TENM3: variants seen among roughly 807,000 people sequenced by gnomAD.
TENM3 encodes teneurin-3.
In TENM3, 63 loss-of-function variants were observed where a neutral mutation model predicts 255.1. That is an observed-to-expected ratio of 0.25 (90% confidence interval 0.20 to 0.30). The LOEUF is 0.30. TENM3 is among the 10% of genes least tolerant of loss of function. The probability of loss-of-function intolerance (pLI) is 1.00; values close to 1 mark genes in which losing one functional copy is unlikely to be tolerated. For missense variants in TENM3, 2,929 were observed against 3,461.1 expected, an observed-to-expected ratio of 0.85 and a Z score of 3.86; for synonymous variants, 1,306 against 1,322.3, an observed-to-expected ratio of 0.99 and a Z score of 0.27.
chr4:181,847,224 T>C, the TENM3 span, among the ~76,000 whole-genome samples: 2,021 of 152,334 alleles, frequency 0.013, 38 homozygotes, highest in African/African-American at 0.045. Context: ...AATTAGTAAT[T>C]TCACAGCTTT....
At chr4:182,245,299 G>A (rs1757567599) in intron 1 of TENM3, among the ~76,000 whole-genome samples, 1 of 152,190 alleles carries the variant, frequency 6.6e-6, no homozygotes, top group Admixed American at 6.5e-5. Flanking sequence ...TCTGTCTCAT[G>A]TGATGTAGCA....
chr4:182,731,765 A>T (rs1169390610), intron 16 of TENM3, among the ~76,000 whole-genome samples: 1 of 149,128 alleles, frequency 6.7e-6, no homozygotes, highest in African/African-American at 2.5e-5. Context: ...TTATAGTAGG[A>T]TATCTAGTTA....
At chr4:181,633,924 A>T in the TENM3 span, among the ~76,000 whole-genome samples, 2 of 152,134 alleles carry the variant, frequency 1.3e-5, no homozygotes, top group Admixed American at 1.3e-4. Context: ...TTTTTATTTA[A>T]GGTCATGCTG....
At position 182,601,154 on chromosome 4, in the gene TENM3, G is replaced by C; in HGVS notation, c.742G>C (p.Glu248Gln). ...SWVLGSNVPL[E>Q]SRHFLFKTGT... ...GGTCCTTGGCAGTAATGTACCACTG[G>C]AAAGCAGGTAACATCTAAAATTTCA... The change falls in exon 4 of 28, where the codon GAA becomes CAA. Residue 248 changes from glutamate (E) to glutamine (Q), a missense_variant. Around this residue, in one of 6 missense-constraint regions of TENM3, gnomAD observed 1,608 missense variants for 1,884.4 expected, o/e 0.85. Coordinates refer to ENST00000511685, the MANE Select transcript of TENM3 (RefSeq NM_001080477.4). The C allele has an allele frequency of 6.2e-7, 1 of 1,613,228 alleles. No homozygotes were observed.
the TENM3 span, among the ~76,000 whole-genome samples, chr4:181,569,300 T>G: frequency 6.6e-6 from 1 of 152,208 alleles, no homozygotes; most frequent in African/African-American, 2.4e-5. Context: ...TTCTCGTTGA[T>G]TTCAAGTGGA....
rs567861095 is a variant in TENM3, at chr4:182,730,530, A to G, written c.2705+211A>G. ...TTGATTTTATTTTCTAAGGCATGGTAATACTGTAGTTTTGTAGGAGAATGC... is the reference window on the plus strand; with the variant it reads ...TTGATTTTATTTTCTAAGGCATGGTGATACTGTAGTTTTGTAGGAGAATGC... On this transcript the variant is annotated intron_variant, in intron 15 of 27. Transcript: ENST00000511685. Among the ~76,000 whole-genome samples the G allele has an allele frequency of 3.9e-5, 6 of 152,320 alleles. No homozygotes were observed. In the South Asian group the frequency reaches 1.2e-3, roughly 32 times the overall value.
At chr4:182,632,971 A>G (rs529380066) in intron 5 of TENM3, among the ~76,000 whole-genome samples, 1 of 152,120 alleles carries the variant, frequency 6.6e-6, no homozygotes, top group African/African-American at 2.4e-5. Context: ...ACTCTGTCTC[A>G]CAGGCTGGAG....
At chr4:181,959,910 G>A in the TENM3 span, among the ~76,000 whole-genome samples, 10 of 152,158 alleles carry the variant, frequency 6.6e-5, 1 homozygote, top group African/African-American at 2.4e-4. Context: ...GGGTAGAGAG[G>A]CAGAAGCAAC....
intron 3 of TENM3, among the ~76,000 whole-genome samples, chr4:182,475,001 A>T (rs1271291101): frequency 6.6e-6 from 1 of 152,168 alleles, no homozygotes; most frequent in African/African-American, 2.4e-5. Context: ...AAAAGAGTTG[A>T]TGTTAGTCAT....
chr4:182,679,070 G>C (rs1023104026), intron 7 of TENM3, among the ~76,000 whole-genome samples: 4 of 152,258 alleles, frequency 2.6e-5, no homozygotes, highest in Middle Eastern at 3.4e-3. Context: ...GGTGTCAGGG[G>C]CTAGGGGAGG....
At chr4:181,827,025 G>T in the TENM3 span, among the ~76,000 whole-genome samples, 1 of 152,148 alleles carries the variant, frequency 6.6e-6, no homozygotes, top group African/African-American at 2.4e-5. Flanking sequence ...TCATTTCCTA[G>T]CTGGGTGACA....
At chr4:181,551,753 A>G in the TENM3 span, among the ~76,000 whole-genome samples, 1 of 151,630 alleles carries the variant, frequency 6.6e-6, no homozygotes, top group Non-Finnish European at 1.5e-5. Flanking sequence ...TCTTTGAACC[A>G]GAATTGCTGA....
At chr4:181,659,882 A>G in the TENM3 span, among the ~76,000 whole-genome samples, 1 of 152,214 alleles carries the variant, frequency 6.6e-6, no homozygotes, top group Admixed American at 6.5e-5. Context: ...TGCTTCTTCT[A>G]CAGAAAGACG....
At chr4:182,335,535 A>G (rs969007283) in intron 2 of TENM3, among the ~76,000 whole-genome samples, 1 of 143,092 alleles carries the variant, frequency 7.0e-6, no homozygotes, top group African/African-American at 2.6e-5. Flanking sequence ...AGCATTTGCC[A>G]TTTTTGCTTT....
intron 1 of TENM3, among the ~76,000 whole-genome samples, chr4:182,259,813 G>A (rs1175194571): frequency 6.6e-6 from 1 of 151,980 alleles, no homozygotes; most frequent in Non-Finnish European, 1.5e-5. Context: ...ATAGATTACT[G>A]TAAACTATAG....
chr4:182,455,463 C>T (rs1773787675), intron 3 of TENM3, among the ~76,000 whole-genome samples: 1 of 152,096 alleles, frequency 6.6e-6, no homozygotes, highest in Admixed American at 6.5e-5. Flanking sequence ...TCCACTCCCA[C>T]CTTCGCACCA....
In TENM3 at chr4:182,754,549, G is replaced by A; in HGVS notation, c.4182G>A (p.Gly1394=). ...CQVPGVEYPV[G]KHAVQTTLES... ...TTCCCGGAGTGGAATATCCTGTGGGGAAGCACGCGGTGCAGACAACACTGG... is the reference window on the plus strand; with the variant it reads ...TTCCCGGAGTGGAATATCCTGTGGGAAAGCACGCGGTGCAGACAACACTGG... The change falls in exon 22 of 28, where the codon GGG becomes GGA. Residue 1394 remains glycine, a synonymous_variant. Coordinates refer to ENST00000511685, the MANE Select transcript of TENM3 (RefSeq NM_001080477.4). The surrounding 1 kb of genome is among the most constrained non-coding windows in gnomAD (Gnocchi z 5.1). 6.2e-7 allele frequency: 1 copy of A among 1,613,974 alleles called. No homozygotes were observed. The highest frequency in any genetic ancestry group is 8.5e-7 in the Non-Finnish European group (1 of 1,179,864).
chr4:181,685,146 G>A, the TENM3 span, among the ~76,000 whole-genome samples: 1 of 151,996 alleles, frequency 6.6e-6, no homozygotes, highest in African/African-American at 2.4e-5. Flanking sequence ...TGCAGAATGT[G>A]ATTAAAATCA....
chr4:182,674,210 A>C (rs1175508337), intron 7 of TENM3, among the ~76,000 whole-genome samples: 1 of 152,156 alleles, frequency 6.6e-6, no homozygotes, highest in Non-Finnish European at 1.5e-5. Context: ...GAGAGTTTTC[A>C]TGTATGCTTT....
Sources: gnomAD v4.1 joint callset for allele counts (sites outside exome capture counted in the v4.1 genomes callset) on GRCh38, gnomAD v4.1.1 for gene constraint, gnomAD v4.1.1 regional missense constraint, Gnocchi (gnomAD v3.1) non-coding constraint, MANE v1.5 for transcripts, NCBI Gene and HGNC (gene_info 2026-07-23, HGNC 2026-07-21) for gene names.